Variants in NCAM2 observed in about 807,000 individuals in gnomAD.
The protein encoded by NCAM2 is N-CAM-2.
Under a neutral mutation model 98.1 loss-of-function variants are expected in NCAM2, and 30 were observed. The ratio of observed to expected loss-of-function variants is 0.31; its 90% CI spans 0.23 to 0.41. NCAM2 has a LOEUF of 0.41. NCAM2 is among the 10% of genes least tolerant of loss of function. The pLI is 1.00. For synonymous variants in NCAM2, 368 were observed against 342.4 expected, an observed-to-expected ratio of 1.07 and a Z score of -0.83; for missense variants, 867 against 1,005.8, an observed-to-expected ratio of 0.86 and a Z score of 1.87.
At chr21:21,338,924 A>G (rs187410475) in intron 8 of NCAM2, among the ~76,000 whole-genome samples, 42 of 152,276 alleles carry the variant, frequency 2.8e-4, no homozygotes, top group Non-Finnish European at 4.4e-4. Context: ...GCCATTTTAA[A>G]AACAGGAATA....
intron 8 of NCAM2, among the ~76,000 whole-genome samples, chr21:21,367,462 G>A (rs985789481): frequency 6.6e-6 from 1 of 151,852 alleles, no homozygotes; most frequent in Non-Finnish European, 1.5e-5. Context: ...TATTGGCCAT[G>A]GAAAAATACT....
chr21:21,486,551 A>G (rs926236831), intron 15 of NCAM2, among the ~76,000 whole-genome samples: 4 of 152,178 alleles, frequency 2.6e-5, no homozygotes, highest in Admixed American at 1.3e-4. Context: ...AAAGATTTCT[A>G]GTAACACCTC....
intron 8 of NCAM2, among the ~76,000 whole-genome samples, chr21:21,351,123 A>AG: frequency 3.0e-5 from 1 of 33,158 alleles, no homozygotes; most frequent in Non-Finnish European, 7.0e-5. Context: ...GTCTCAAAAA[A>AG]AAAAAAAAAA....
intron 3 of NCAM2, 28 bp downstream of exon 3, chr21:21,284,428 T>C: frequency 6.5e-7 from 1 of 1,541,966 alleles, no homozygotes; most frequent in Middle Eastern, 1.7e-4. Flanking sequence ...ATGTTTTAGT[T>C]TATTCAATTT....
rs139339624 is a variant in NCAM2, at chr21:21,527,831, T to C, written c.2283-6706T>C. Among the ~76,000 whole-genome samples, 275 of 152,318 alleles carry C rather than the reference T, an allele frequency of 1.8e-3. 2 individuals are homozygous for C. In the East Asian group the frequency reaches 0.021, roughly 12 times the overall value. The stretch of plus-strand genomic sequence containing the variant: ...AATATACTCTTACCTTAAAATTTAT[T>C]ATTTGAGCTCCTTAGTATTTACCCA... On this transcript the variant is annotated intron_variant, in intron 16 of 17. Coordinates refer to ENST00000400546, the MANE Select transcript of NCAM2 (RefSeq NM_004540.5).
In NCAM2 at chr21:20,998,558, C is replaced by G; in HGVS notation, c.-6C>G. On this transcript the variant is annotated 5_prime_UTR_variant, in exon 1 of 18. Transcript: ENST00000400546. ...TGAAACTGTCCACCGGTGTCACGTCCTGAACATGAGCCTCCTCCTCTCCTT... is the reference window on the plus strand; with the variant it reads ...TGAAACTGTCCACCGGTGTCACGTCGTGAACATGAGCCTCCTCCTCTCCTT... 3.7e-6 allele frequency: 6 copies of G among 1,613,942 alleles called. No homozygotes were observed. The highest frequency in any genetic ancestry group is 1.1e-5 in the South Asian group (1 of 91,082).
intron 9 of NCAM2, among the ~76,000 whole-genome samples, chr21:21,383,291 G>A (rs1034049141): frequency 3.3e-5 from 5 of 152,108 alleles, no homozygotes; most frequent in Admixed American, 1.3e-4. Flanking sequence ...TGGTTTGTGC[G>A]TGCAGAGCTA....
intron 8 of NCAM2, among the ~76,000 whole-genome samples, chr21:21,367,718 C>T (rs1340681761): frequency 6.6e-6 from 1 of 151,928 alleles, no homozygotes; most frequent in Non-Finnish European, 1.5e-5. Flanking sequence ...AATATTCACT[C>T]ATTTAATCTG....
In NCAM2 at chr21:21,040,712, A is replaced by G. The variant is rs115922366; in HGVS notation, c.55+42094A>G. On this transcript the variant is annotated intron_variant, in intron 1 of 17. Coordinates refer to ENST00000400546, the MANE Select transcript of NCAM2 (RefSeq NM_004540.5). ...AGACAAATATTGCATGTTCTCATTCATATATGGAAGCTAAAAAGTTTATCT... is the reference window on the plus strand; with the variant it reads ...AGACAAATATTGCATGTTCTCATTCGTATATGGAAGCTAAAAAGTTTATCT... Among the ~76,000 whole-genome samples, 743 of 152,304 alleles carry G rather than the reference A, an allele frequency of 4.9e-3. 10 individuals are homozygous for G. Among genetic ancestry groups the G allele is most frequent in the African/African-American group, 0.018 (731 of 41,580 alleles).
chr21:21,376,710 G>A (rs996532740), intron 9 of NCAM2, among the ~76,000 whole-genome samples: 5 of 151,744 alleles, frequency 3.3e-5, no homozygotes, highest in African/African-American at 4.8e-5. Flanking sequence ...TTCTAACAAA[G>A]TACAAGTTGC....
chr21:21,111,620 G>T (rs2066456140), intron 1 of NCAM2, among the ~76,000 whole-genome samples: 1 of 152,190 alleles, frequency 6.6e-6, no homozygotes, highest in Non-Finnish European at 1.5e-5. Context: ...TCCATTCACA[G>T]GAACGAGAAG....
intron 9 of NCAM2, among the ~76,000 whole-genome samples, chr21:21,393,648 T>G (rs891417353): frequency 6.6e-6 from 1 of 152,184 alleles, no homozygotes; most frequent in Non-Finnish European, 1.5e-5. Flanking sequence ...ATATTATTTA[T>G]GAAACAACTT....
At chr21:21,464,061 G>A (rs1319835142) in intron 12 of NCAM2, among the ~76,000 whole-genome samples, 2 of 152,062 alleles carry the variant, frequency 1.3e-5, no homozygotes, top group African/African-American at 4.8e-5. Context: ...GCAATTGAAA[G>A]TGCATGTTTA....
chr21:21,261,511 G>A (rs1197528286), intron 1 of NCAM2, among the ~76,000 whole-genome samples: 1 of 152,066 alleles, frequency 6.6e-6, no homozygotes, highest in East Asian at 1.9e-4. Context: ...TCGGACAACA[G>A]TGGAATAAAA....
chr21:21,155,450 TA>T (rs1191439569), intron 1 of NCAM2, among the ~76,000 whole-genome samples: 1 of 151,800 alleles, frequency 6.6e-6, no homozygotes, highest in East Asian at 1.9e-4. Flanking sequence ...TCCTTTTATT[TA>T]AACTTAATAC....
intron 1 of NCAM2, among the ~76,000 whole-genome samples, chr21:21,081,976 G>A (rs533747771): frequency 6.6e-5 from 10 of 151,582 alleles, no homozygotes; most frequent in South Asian, 2.1e-4. Flanking sequence ...GGTGGCTCAC[G>A]GCTGTAATCC....
intron 5 of NCAM2, among the ~76,000 whole-genome samples, chr21:21,311,327 T>C (rs944892490): frequency 3.5e-5 from 5 of 143,066 alleles, no homozygotes; most frequent in Non-Finnish European, 7.5e-5. Context: ...TGGTTACAAA[T>C]ATGGGGCATT....
intron 1 of NCAM2, among the ~76,000 whole-genome samples, chr21:21,039,013 TATAAGA>T (rs2064851447): frequency 6.6e-6 from 1 of 152,178 alleles, no homozygotes; most frequent in African/African-American, 2.4e-5. Context: ...GACTTAAAAC[TATAAGA>T]TTTGTTTATT....
chr21:21,051,348 A>G (rs935997776), intron 1 of NCAM2, among the ~76,000 whole-genome samples: 1 of 152,096 alleles, frequency 6.6e-6, no homozygotes, highest in Non-Finnish European at 1.5e-5. Flanking sequence ...CCCTTTTCAC[A>G]TGTGTTGATC....
Sources: allele counts gnomAD v4.1 joint callset (sites outside exome capture counted in the v4.1 genomes callset), GRCh38; gene constraint gnomAD v4.1.1; transcripts MANE v1.5; gene names NCBI Gene and HGNC (gene_info 2026-07-23, HGNC 2026-07-21).